OC90: variants seen among roughly 807,000 people sequenced by gnomAD.
OC90 encodes otoconin-90.
Under a neutral mutation model 47.3 loss-of-function variants are expected in OC90, and 46 were observed. The ratio of observed to expected loss-of-function variants is 0.97; its 90% confidence interval spans 0.77 to 1.24. OC90 has a LOEUF of 1.24. Among genes scored for constraint, OC90 ranks in the 50% most tolerant of loss-of-function variants. The pLI, the probability that OC90 is intolerant of heterozygous loss-of-function variation, is 0.00. For missense variants in OC90, 688 were observed against 583.9 expected (o/e 1.18, Z -1.84); for synonymous variants, 271 against 219.5 (o/e 1.23, Z -2.07).
intron 2 of OC90, among the ~76,000 whole-genome samples, chr8:132,050,753 C>T (rs796751471): frequency 2.0e-5 from 3 of 152,252 alleles, no homozygotes; most frequent in African/African-American, 4.8e-5. Flanking sequence ...GTAATCCCAG[C>T]ACTTTGGGAG....
chr8:132,040,801 T>A (rs1823040494), intron 6 of OC90, among the ~76,000 whole-genome samples: 1 of 152,228 alleles, frequency 6.6e-6, no homozygotes, highest in South Asian at 2.1e-4. Context: ...AGTATAAAAT[T>A]GTAAATCAGA....
intron 4 of OC90, among the ~76,000 whole-genome samples, chr8:132,043,944 C>A (rs893859984): frequency 5.3e-5 from 8 of 152,130 alleles, no homozygotes; most frequent in East Asian, 1.9e-4. Flanking sequence ...ATGATAGGAA[C>A]CATCATAGTG....
At position 132,034,762 on chromosome 8, in the gene OC90, TGGAG is replaced by T. The variant is rs780758247; in HGVS notation, c.733+15_733+18del. 5.1e-5 allele frequency: 80 copies of T among 1,580,740 alleles called. No individual in the cohort carries two copies. Among genetic ancestry groups the T allele is most frequent in the Non-Finnish European group, 5.6e-5 (65 of 1,151,900 alleles). On this transcript the variant is annotated intron_variant, in intron 10 of 13. Coordinates refer to ENST00000254627, the MANE Select transcript of OC90 (RefSeq NM_001080399.3). ...TAAATGTGTCATGAACATAGGCAGG[TGGAG>T]CCCAGTAGGCTTACCTGGAGGGGAC...
intron 13 of OC90, among the ~76,000 whole-genome samples, chr8:132,028,379 GT>G (rs200945201): frequency 0.012 from 1,829 of 152,066 alleles, 31 homozygotes; most frequent in South Asian, 0.075. Flanking sequence ...GCACATGCCT[GT>G]AATCCCAGCT....
At chr8:132,048,833 G>C (rs903472887) in intron 2 of OC90, among the ~76,000 whole-genome samples, 1 of 151,546 alleles carries the variant, frequency 6.6e-6, no homozygotes, top group Non-Finnish European at 1.5e-5. Context: ...TTCGTCACAA[G>C]GGATGGCTGA....
At chr8:132,041,775 C>A in intron 4 of OC90, 76 bp from the exon 5 acceptor site, 1 of 823,084 alleles carries the variant, frequency 1.2e-6, no homozygotes, top group African/African-American at 1.7e-5. Flanking sequence ...CCTGGACTTC[C>A]TATACCTCAG....
At chr8:132,050,648 G>T (rs1350832139) in intron 2 of OC90, among the ~76,000 whole-genome samples, 1 of 152,248 alleles carries the variant, frequency 6.6e-6, no homozygotes, top group East Asian at 1.9e-4. Context: ...TCTGTAAAAT[G>T]AGACAATTGT....
Position 132,048,011 on chromosome 8 carries a change from C to A in OC90, c.47-2128G>T, listed in dbSNP as rs1420204469. Among the ~76,000 whole-genome samples, 5 of 152,310 alleles carry A rather than the reference C, an allele frequency of 3.3e-5. No homozygotes were observed. The South Asian group carries it at 1.0e-3, about 32-fold the overall frequency. On this transcript the variant is annotated intron_variant, in intron 2 of 13. Coordinates refer to ENST00000254627, the MANE Select transcript of OC90 (RefSeq NM_001080399.3). The stretch of plus-strand genomic sequence containing the variant: ...GGAGGGAAATAGCTAGGTCCATTTG[C>A]CCTTCCGCACTTCTTTCATTTGAGG...
chr8:132,034,770 A>C lies in OC90; in HGVS notation c.733+11T>G, dbSNP rs745884909. On this transcript the variant is annotated intron_variant, in intron 10 of 13. Coordinates refer to ENST00000254627, the MANE Select transcript of OC90 (RefSeq NM_001080399.3). The stretch of plus-strand genomic sequence containing the variant: ...TCATGAACATAGGCAGGTGGAGCCC[A>C]GTAGGCTTACCTGGAGGGGACGTAG... 1.2e-6 allele frequency: 2 copies of C among 1,600,322 alleles called. No individual in the cohort carries two copies. Among genetic ancestry groups the C allele is most frequent in the African/African-American group, 2.7e-5 (2 of 74,650 alleles).
chr8:132,028,184 G>A (rs1357794436), intron 13 of OC90, among the ~76,000 whole-genome samples: 1 of 152,118 alleles, frequency 6.6e-6, no homozygotes, highest in Admixed American at 6.6e-5. Context: ...CAGTGGAAGA[G>A]GTATGATAAT....
intron 12 of OC90, 99 bp from the exon 13 acceptor site, chr8:132,029,278 G>A: frequency 1.1e-6 from 1 of 906,290 alleles, no homozygotes; most frequent in Non-Finnish European, 1.8e-6. Flanking sequence ...ATAGTAGTGA[G>A]GGAAGCCAGT....
intron 2 of OC90, among the ~76,000 whole-genome samples, chr8:132,046,494 A>C (rs1256293702): frequency 6.6e-6 from 1 of 152,208 alleles, no homozygotes; most frequent in Non-Finnish European, 1.5e-5. Flanking sequence ...TGTAATAACA[A>C]TAGTGTCCTA....
chr8:132,028,617 GGAA>G (rs1822807147), intron 13 of OC90, among the ~76,000 whole-genome samples: 1 of 35,108 alleles, frequency 2.8e-5, no homozygotes, highest in African/African-American at 9.7e-5. Context: ...GAGGGAAGGA[GGAA>G]GGAAGGAAGG....
chr8:132,031,131 T>A lies in OC90; in HGVS notation c.1031+750A>T, dbSNP rs1439275143. On this transcript the variant is annotated intron_variant, in intron 12 of 13. Coordinates refer to ENST00000254627, the MANE Select transcript of OC90 (RefSeq NM_001080399.3). Reference sequence around the variant, plus strand: ...CAAACTCAGGTTGAGTGCTCCATGGTTTCCTCTGTTTACCCTACTGTATTT... The same window carrying A: ...CAAACTCAGGTTGAGTGCTCCATGGATTCCTCTGTTTACCCTACTGTATTT... 3.9e-5 allele frequency among the ~76,000 whole-genome samples: 6 copies of A among 152,230 alleles called. No homozygotes were observed. The East Asian group carries it at 1.2e-3, about 29-fold the overall frequency.
At chr8:132,059,089 TCTTC>T (rs1823313536) in intron 1 of OC90, among the ~76,000 whole-genome samples, 1 of 147,088 alleles carries the variant, frequency 6.8e-6, no homozygotes, top group African/African-American at 2.5e-5. Flanking sequence ...TCCCTCCTTT[TCTTC>T]CTTCATCAAT....
chr8:132,027,382 A>G (rs186016050), intron 13 of OC90, among the ~76,000 whole-genome samples: 83 of 152,330 alleles, frequency 5.4e-4, no homozygotes, highest in African/African-American at 1.9e-3. Flanking sequence ...GGGATGTGAC[A>G]GACATACCTG....
intron 9 of OC90, among the ~76,000 whole-genome samples, chr8:132,036,630 G>A (rs1490622750): frequency 6.6e-6 from 1 of 152,240 alleles, no homozygotes; most frequent in African/African-American, 2.4e-5. Flanking sequence ...ACAAAGACCG[G>A]CAAATGCCAT....
chr8:132,033,574 T>G (rs1373704270), intron 10 of OC90, among the ~76,000 whole-genome samples: 1 of 152,178 alleles, frequency 6.6e-6, no homozygotes, highest in African/African-American at 2.4e-5. Context: ...GCAAAACAAC[T>G]CCTGGAAGCC....
At chr8:132,036,983 G>A (rs1822974852) in intron 9 of OC90, among the ~76,000 whole-genome samples, 1 of 152,194 alleles carries the variant, frequency 6.6e-6, no homozygotes, top group Non-Finnish European at 1.5e-5. Flanking sequence ...TAATCCTTAT[G>A]CCACTCTAAA....
Sources: gnomAD v4.1 joint callset for allele counts (sites outside exome capture counted in the v4.1 genomes callset) on GRCh38, gnomAD v4.1.1 for gene constraint, MANE v1.5 for transcripts, NCBI Gene and HGNC (gene_info 2026-07-23, HGNC 2026-07-21) for gene names.